Variants in PIAS1 observed in about 807,000 individuals in gnomAD.
PIAS1 encodes the protein E3 SUMO-protein ligase PIAS1.
In PIAS1, 6 loss-of-function variants were observed where a neutral mutation model predicts 71.3. The ratio of observed to expected loss-of-function variants is 0.08; its 90% CI spans 0.05 to 0.17. PIAS1 has a LOEUF of 0.17. Among genes scored for constraint, PIAS1 ranks in the 10% least tolerant of loss-of-function variants. The pLI is 1.00. For synonymous variants in PIAS1, 303 were observed against 292.9 expected, an observed-to-expected ratio of 1.03 and a Z score of -0.35; for missense variants, 555 against 793.6, an observed-to-expected ratio of 0.70 and a Z score of 3.61.
At chr15:68,098,482 G>C (rs747696336) in intron 2 of PIAS1, among the ~76,000 whole-genome samples, 5 of 152,058 alleles carry the variant, frequency 3.3e-5, no homozygotes, top group African/African-American at 1.2e-4. Flanking sequence ...TGTATAAATG[G>C]ACCCACACAG....
chr15:68,165,664 A>G (rs56001714), intron 8 of PIAS1, among the ~76,000 whole-genome samples: 4 of 152,184 alleles, frequency 2.6e-5, no homozygotes, highest in African/African-American at 4.8e-5. Flanking sequence ...GACTTAGCCA[A>G]ATTATTAAAC....
At chr15:68,146,493 T>C in intron 5 of PIAS1, 73 bp from the exon 6 acceptor site, 1 of 1,181,940 alleles carries the variant, frequency 8.5e-7, no homozygotes, top group Non-Finnish European at 1.2e-6. Flanking sequence ...TTGTAGGGGG[T>C]TTTTTCTTAA....
intron 7 of PIAS1, among the ~76,000 whole-genome samples, chr15:68,163,455 G>A (rs2092937542): frequency 6.6e-6 from 1 of 152,098 alleles, no homozygotes; most frequent in Admixed American, 6.6e-5. Context: ...AATCATATCT[G>A]GAGCTTTTAA....
At chr15:68,155,680 G>C (rs1465926483) in intron 7 of PIAS1, among the ~76,000 whole-genome samples, 1 of 152,140 alleles carries the variant, frequency 6.6e-6, no homozygotes, top group Non-Finnish European at 1.5e-5. Context: ...GTATTATTTA[G>C]ACTTTTCACA....
In PIAS1 at chr15:68,187,614, C is replaced by A. The variant is rs986381593; in HGVS notation, c.1735C>A (p.Arg579=). The change falls in exon 14 of 14, where the codon CGG becomes AGG. Residue 579 remains arginine (R), a synonymous_variant. Coordinates refer to ENST00000249636, the MANE Select transcript of PIAS1 (RefSeq NM_016166.3). The surrounding 1 kb of genome is among the most constrained non-coding windows in gnomAD (Gnocchi z 5.3). Reference sequence around the variant, plus strand: ...TGATCAAGACCTCCTACACTCGTCTCGGTTTTTCCCGTATACCTCCTCACA... The same window carrying A: ...TGATCAAGACCTCCTACACTCGTCTAGGTTTTTCCCGTATACCTCCTCACA... The part of the protein sequence containing the change: ...SDDQDLLHSS[R]FFPYTSSQMF... 6.2e-7 allele frequency: 1 copy of A among 1,613,972 alleles called. No individual in the cohort carries two copies. Among genetic ancestry groups the A allele is most frequent in the Non-Finnish European group, 8.5e-7 (1 of 1,179,864 alleles).
chr15:68,151,882 A>G (rs1208060266), intron 6 of PIAS1, among the ~76,000 whole-genome samples: 3 of 150,994 alleles, frequency 2.0e-5, no homozygotes, highest in Non-Finnish European at 3.0e-5. Context: ...TAAATAAACA[A>G]ATAAAGCTTG....
At chr15:68,100,043 T>C (rs74374332) in intron 2 of PIAS1, among the ~76,000 whole-genome samples, 4,067 of 151,432 alleles carry the variant, frequency 0.027, 175 homozygotes, top group African/African-American at 0.092. Flanking sequence ...CTAGTTTTAG[T>C]CAGAGATGTA....
intron 7 of PIAS1, among the ~76,000 whole-genome samples, chr15:68,162,468 A>G (rs7177086): frequency 0.9 from 136,315 of 152,034 alleles, 63,037 homozygotes; most frequent in East Asian, 1. Flanking sequence ...GAAGGAGAGG[A>G]AGAGAGGAAA....
chr15:68,128,845 T>C (rs1179071423), intron 2 of PIAS1, among the ~76,000 whole-genome samples: 1 of 151,974 alleles, frequency 6.6e-6, no homozygotes, highest in Non-Finnish European at 1.5e-5. Context: ...GAGGACAAAC[T>C]TGAGAAGCAG....
intron 1 of PIAS1, among the ~76,000 whole-genome samples, chr15:68,061,610 G>C (rs528581917): frequency 6.6e-6 from 1 of 152,274 alleles, no homozygotes; most frequent in East Asian, 1.9e-4. Flanking sequence ...TAGGACTGTT[G>C]TAAACGTTCC....
At chr15:68,135,426 C>T (rs1478036327) in intron 2 of PIAS1, among the ~76,000 whole-genome samples, 16 of 39,552 alleles carry the variant, frequency 4.0e-4, no homozygotes, top group African/African-American at 7.7e-4. Flanking sequence ...GGCTCCCCAC[C>T]TCCCAGCAGG....
Position 68,098,296 on chromosome 15 carries a change from A to G in PIAS1, c.469+11546A>G, listed in dbSNP as rs561324318. Among the ~76,000 whole-genome samples, 457 of 152,354 alleles carry G rather than the reference A, an allele frequency of 3.0e-3. 2 individuals carry two copies. Among genetic ancestry groups the G allele is most frequent in the Non-Finnish European group, 5.6e-3 (378 of 68,022 alleles). ...GTATTCTTACAGCAAAGTAAGCTAG[A>G]GAAAAGAAACTGTTACTAAGAAAAT... On this transcript the variant is annotated intron_variant, in intron 2 of 13. Coordinates refer to ENST00000249636, the MANE Select transcript of PIAS1 (RefSeq NM_016166.3).
At chr15:68,134,663 G>A (rs57578895) in intron 2 of PIAS1, among the ~76,000 whole-genome samples, 1 of 38,004 alleles carries the variant, frequency 2.6e-5, no homozygotes, top group African/African-American at 5.3e-5. Flanking sequence ...CTGGCCGGGC[G>A]GGGGGATGAC....
chr15:68,171,100 TTTTAC>T lies in PIAS1; in HGVS notation c.1009-2628_1009-2624del, dbSNP rs1208976847. ...TAAGCTTTTTTCTATTTTTAACATT[TTTTAC>T]TTTTATTTTCTACTTTTTAAACTTT... is the stretch of plus-strand genomic sequence containing the variant. On this transcript the variant is annotated intron_variant, in intron 8 of 13. Coordinates refer to ENST00000249636, the MANE Select transcript of PIAS1 (RefSeq NM_016166.3). The surrounding 1 kb of genome is among the most constrained non-coding windows in gnomAD (Gnocchi z 4.4). Among the ~76,000 whole-genome samples the T allele has an allele frequency of 1.3e-5, 2 of 152,230 alleles. No individual in the cohort carries two copies. The highest frequency in any genetic ancestry group is 2.9e-5 in the Non-Finnish European group (2 of 68,040).
rs1395580792 is a variant in PIAS1 at position 68,192,969 on chromosome 15, G to C, written c.*5134G>C. On this transcript the variant is annotated 3_prime_UTR_variant, in exon 14 of 14. Coordinates refer to ENST00000249636, the MANE Select transcript of PIAS1 (RefSeq NM_016166.3). ...CTGAATCTCTGGCAGCACCAACCTG[G>C]CACCTTCTAGCTGTGTAACTCACTC... The C allele has an allele frequency of 1.3e-5, 2 of 152,246 alleles. No homozygotes were observed. Among genetic ancestry groups the C allele is most frequent in the Admixed American group, 1.3e-4 (2 of 15,284 alleles). The allele number at this position is 152,246 out of a possible 1,614,324, so 9.4% of individuals were successfully genotyped here.
At chr15:68,085,317 A>G (rs536505238) in intron 1 of PIAS1, among the ~76,000 whole-genome samples, 9 of 152,212 alleles carry the variant, frequency 5.9e-5, no homozygotes, top group Non-Finnish European at 1.2e-4. Context: ...TTTGGATTCC[A>G]TTTTCCACCA....
intron 2 of PIAS1, among the ~76,000 whole-genome samples, chr15:68,129,794 T>TACACACACAC (rs67860159): frequency 6.3e-4 from 92 of 145,092 alleles, no homozygotes; most frequent in African/African-American, 2.1e-3. Flanking sequence ...TAATTGTATT[T>TACACACACAC]ACACACACAC....
At chr15:68,140,497 G>A (rs1263891997) in intron 2 of PIAS1, among the ~76,000 whole-genome samples, 1 of 152,118 alleles carries the variant, frequency 6.6e-6, no homozygotes. Flanking sequence ...TCACAATTAA[G>A]ACAACTTTTT....
chr15:68,176,232 A>G (rs2093019506), intron 10 of PIAS1, among the ~76,000 whole-genome samples: 1 of 152,182 alleles, frequency 6.6e-6, no homozygotes, highest in African/African-American at 2.4e-5. Context: ...TTTCTTCTGA[A>G]GTGGACATAT....
Sources: gnomAD v4.1 joint callset for allele counts (sites outside exome capture counted in the v4.1 genomes callset) on GRCh38, gnomAD v4.1.1 for gene constraint, Gnocchi (gnomAD v3.1) non-coding constraint, MANE v1.5 for transcripts, NCBI Gene and HGNC (gene_info 2026-07-23, HGNC 2026-07-21) for gene names.